EIF6: variants seen among roughly 807,000 people sequenced by gnomAD.
EIF6 encodes the protein eukaryotic translation initiation factor 6, also known as B4 integrin interactor.
EIF6 carries 10 observed loss-of-function variants against 25.5 expected under a neutral mutation model. That is an observed-to-expected ratio of 0.39 (90% CI 0.24 to 0.66). EIF6 has a LOEUF of 0.66. EIF6 is among the 30% of genes least tolerant of loss of function. The pLI is 0.45. For missense variants in EIF6, 246 were observed against 315.4 expected (o/e 0.78, Z 1.67); for synonymous variants, 122 against 122.6 (o/e 1.00, Z 0.03).
chr20:35,284,053 A>T, intron 3 of EIF6, 123 bp downstream of exon 3: 1 of 1,262,602 alleles, frequency 7.9e-7, no homozygotes, highest in Non-Finnish European at 1.1e-6. Context: ...GAGAGATTCT[A>T]TAGTGCCCAG....
At position 35,280,755 on chromosome 20, in the gene EIF6, C is replaced by T; in HGVS notation, c.268G>A (p.Asp90Asn). ...ELQHIRNSLP[D>N]TVQIRRVEER... ...TCCACCCGCCTAATCTGCACTGTGTCTGGGAGGCTGTTGCGAATGTGTTGC... is the reference window on the plus strand; with the variant it reads ...TCCACCCGCCTAATCTGCACTGTGTTTGGGAGGCTGTTGCGAATGTGTTGC... Residue 90 changes from aspartate to asparagine, a missense_variant, in exon 4 of 7, where the codon GAC (aspartate) becomes AAC (asparagine). Transcript: ENST00000374450. The T allele has an allele frequency of 6.2e-7, 1 of 1,614,126 alleles. No homozygotes were observed. Among genetic ancestry groups the T allele is most frequent in the Non-Finnish European group, 8.5e-7 (1 of 1,180,024 alleles).
At position 35,284,235 on chromosome 20, in the gene EIF6, G is replaced by A; in HGVS notation, c.134C>T (p.Thr45Ile). 1.2e-6 allele frequency: 2 copies of A among 1,611,804 alleles called. No individual in the cohort carries two copies. Among genetic ancestry groups the A allele is most frequent in the Non-Finnish European group, 1.7e-6 (2 of 1,179,546 alleles). ...YSVFEGELSD[T>I]IPVVHASIAG... is the part of the protein sequence containing the mutation. ...GATAGACGCGTGCACCACGGGGATG[G>A]TATCGGAGAGCTCGCCCTCGAACAC... Residue 45 changes from threonine to isoleucine, a missense_variant, in exon 3 of 7, where the codon ACC (threonine) becomes ATC (isoleucine). Thr to Ile is a moderately conservative substitution (Grantham distance 89). Coordinates refer to ENST00000374450, the MANE Select transcript of EIF6 (RefSeq NM_002212.4).
intron 3 of EIF6, 47 bp downstream of exon 3, chr20:35,284,129 G>C: frequency 6.5e-7 from 1 of 1,538,486 alleles, no homozygotes; most frequent in Non-Finnish European, 8.7e-7. Context: ...TGTAATTAAT[G>C]GTGCTTGGAG....
At chr20:35,282,424 A>T (rs1420842537) in intron 3 of EIF6, among the ~76,000 whole-genome samples, 1 of 152,218 alleles carries the variant, frequency 6.6e-6, no homozygotes, top group African/African-American at 2.4e-5. Flanking sequence ...AATACACGCC[A>T]ATCAATTTCT....
chr20:35,280,865 A>G, intron 3 of EIF6, 36 bp from the exon 4 acceptor site: 1 of 1,607,352 alleles, frequency 6.2e-7, no homozygotes, highest in Non-Finnish European at 8.5e-7. Flanking sequence ...AATACACAAG[A>G]TGCCTGCTGA....
intron 3 of EIF6, among the ~76,000 whole-genome samples, chr20:35,283,150 CG>C (rs1477300464): frequency 3.3e-5 from 5 of 151,992 alleles, no homozygotes; most frequent in Non-Finnish European, 7.4e-5. Context: ...AAAAATTAGC[CG>C]GGTGTGGCGG....
At chr20:35,279,337 T>C in intron 6 of EIF6, 131 bp from the exon 7 acceptor site, 2 of 1,346,880 alleles carry the variant, frequency 1.5e-6, no homozygotes, top group Non-Finnish European at 2.1e-6. Flanking sequence ...ACTGCTCTAG[T>C]ATCCTAGCCC....
intron 6 of EIF6, 130 bp from the exon 7 acceptor site, chr20:35,279,336 G>A: frequency 7.4e-7 from 1 of 1,355,034 alleles, no homozygotes; most frequent in Non-Finnish European, 1.0e-6. Context: ...TACTGCTCTA[G>A]TATCCTAGCC....
Position 35,279,218 on chromosome 20 carries a change from G to C in EIF6, c.729-12C>G. 1.2e-6 allele frequency: 2 copies of C among 1,613,654 alleles called. No homozygotes were observed. The highest frequency in any genetic ancestry group is 1.7e-6 in the Non-Finnish European group (2 of 1,179,816). Reference sequence around the variant, plus strand: ...TGACTCAGGTGAGGCTGAAGAGAAAGGAAAGCGCACGGTCAGTAGCTGTTT... The same window carrying C: ...TGACTCAGGTGAGGCTGAAGAGAAACGAAAGCGCACGGTCAGTAGCTGTTT... On this transcript the variant is annotated splice_polypyrimidine_tract_variant and intron_variant, in intron 6 of 6. Transcript: ENST00000374450.
In EIF6 at chr20:35,279,059, G is replaced by C; in HGVS notation, c.*138C>G. ...CCAGGCGATAAGCACAGGTGGAAAAGGGTTGGGTGCCCAGCCCCTCAGTCC... is the reference window on the plus strand; with the variant it reads ...CCAGGCGATAAGCACAGGTGGAAAACGGTTGGGTGCCCAGCCCCTCAGTCC... On this transcript the variant is annotated 3_prime_UTR_variant, in exon 7 of 7. Transcript: ENST00000374450. 9.3e-7 allele frequency: 1 copy of C among 1,079,516 alleles called. No homozygotes were observed. The highest frequency in any genetic ancestry group is 1.4e-6 in the Non-Finnish European group (1 of 714,182). The allele number at this position is 1,079,516 out of a possible 1,614,324, so 66.9% of individuals were successfully genotyped here. A position where few individuals can be genotyped will look rare whatever the true frequency, so the allele number is the denominator to read the frequency against.
intron 3 of EIF6, among the ~76,000 whole-genome samples, chr20:35,283,057 C>T (rs896258202): frequency 6.6e-5 from 10 of 151,876 alleles, no homozygotes; most frequent in African/African-American, 1.9e-4. Context: ...TTTGGGAGGC[C>T]GAGGTGGGAG....
intron 1 of EIF6, 82 bp downstream of exon 1, chr20:35,284,643 TC>T: frequency 1.1e-6 from 1 of 871,588 alleles, no homozygotes; most frequent in Non-Finnish European, 1.7e-6. Context: ...CACCAGAACC[TC>T]CGGCCCTGAA....
At chr20:35,284,070 C>T (rs947228666) in intron 3 of EIF6, 106 bp downstream of exon 3, 1 of 1,373,442 alleles carries the variant, frequency 7.3e-7, no homozygotes. Flanking sequence ...CCAGAGATAA[C>T]AGATGATACC....
chr20:35,279,759 T>A lies in EIF6; in HGVS notation c.547-12A>T. Reference sequence around the variant, plus strand: ...TTCACAGTCCCCGCCTGCCAAGGGATGGGCTCAATGTGAGTCACGGCACCA... The same window carrying A: ...TTCACAGTCCCCGCCTGCCAAGGGAAGGGCTCAATGTGAGTCACGGCACCA... On this transcript the variant is annotated splice_polypyrimidine_tract_variant and intron_variant, in intron 5 of 6. Transcript: ENST00000374450. 6.2e-7 allele frequency: 1 copy of A among 1,613,548 alleles called. No individual in the cohort carries two copies.
Position 35,284,275 on chromosome 20 carries a change from G to C in EIF6, c.108-14C>G. 3 of 1,613,826 alleles carry C rather than the reference G, an allele frequency of 1.9e-6. No homozygotes were observed. Among genetic ancestry groups the C allele is most frequent in the East Asian group, 2.2e-5 (1 of 44,856 alleles). On this transcript the variant is annotated splice_polypyrimidine_tract_variant and intron_variant, in intron 2 of 6. Transcript: ENST00000374450. ...CCCTCGAACACACTGTAGGGACATGGACTCGGTGGTGGCGGGGCAGAGGGG... is the reference window on the plus strand; with the variant it reads ...CCCTCGAACACACTGTAGGGACATGCACTCGGTGGTGGCGGGGCAGAGGGG...
intron 3 of EIF6, among the ~76,000 whole-genome samples, chr20:35,281,543 TCAG>T (rs2060776032): frequency 6.6e-6 from 1 of 151,932 alleles, no homozygotes; most frequent in Non-Finnish European, 1.5e-5. Context: ...CATCCTGGGT[TCAG>T]GTGATTCTCC....
At position 35,284,188 on chromosome 20, in the gene EIF6, G is replaced by A. The variant is rs750334007; in HGVS notation, c.181C>T (p.Arg61Cys). Residue 61 changes from arginine (R) to cysteine (C), a missense_variant, in exon 3 of 7, where the codon CGC becomes TGC. Arg to Cys is a radical substitution (Grantham distance 180). Transcript: ENST00000374450. ...ASIAGCRIIG[R>C]MCVGNRHGLL... ...CCACCTGCCTTACCCACACACATGC[G>A]CCCGATGATGCGGCAGCCGGCGATA... The A allele has an allele frequency of 2.5e-6, 4 of 1,595,126 alleles. No individual in the cohort carries two copies. The highest frequency in any genetic ancestry group is 1.1e-5 in the South Asian group (1 of 90,538).
At chr20:35,279,430 C>T in intron 6 of EIF6, 136 bp downstream of exon 6, 3 of 1,272,240 alleles carry the variant, frequency 2.4e-6, no homozygotes, top group East Asian at 2.3e-5. Context: ...CAGCAGTGTA[C>T]AGATATGCTC....
Position 35,279,691 on chromosome 20 carries a change from G to A in EIF6, c.603C>T (p.Asp201=). ...TGTCCAGGCCACAGAAGGCACACCA[G>A]TCATTCACCACCATCCCAGCAGCAA... ...EVIAAGMVVN[D]WCAFCGLDTT... The change falls in exon 6 of 7, where the codon GAC becomes GAT. Residue 201 remains aspartate, a synonymous_variant. Coordinates refer to ENST00000374450, the MANE Select transcript of EIF6 (RefSeq NM_002212.4). 1 of 1,614,154 alleles carries A rather than the reference G, an allele frequency of 6.2e-7. No homozygotes were observed. Among genetic ancestry groups the A allele is most frequent in the Non-Finnish European group, 8.5e-7 (1 of 1,180,042 alleles).
Sources: gnomAD v4.1 joint callset for allele counts (sites outside exome capture counted in the v4.1 genomes callset) on GRCh38, gnomAD v4.1.1 for gene constraint, MANE v1.5 for transcripts, NCBI Gene and HGNC (gene_info 2026-07-23, HGNC 2026-07-21) for gene names.